Variants in ADCY10 observed in about 807,000 individuals in gnomAD.
The protein encoded by ADCY10 is adenylate cyclase type 10.
A neutral mutation model predicts 183.3 loss-of-function variants in ADCY10; 156 were observed. The observed-to-expected ratio is 0.85, with a 90% CI of 0.75 to 0.97. The LOEUF is 0.97. Among genes scored for constraint, ADCY10 ranks in the 50% least tolerant of loss-of-function variants. ADCY10 has a pLI of 0.00. For synonymous variants in ADCY10, 645 were observed against 670.0 expected (o/e 0.96, Z 0.58); for missense variants, 1,745 against 1,934.3 (o/e 0.90, Z 1.84).
rs1343261551 is a variant in ADCY10, at chr1:167,904,817, A to T, written c.148+176T>A. The T allele has an allele frequency of 3.9e-6, 3 of 775,486 alleles. No homozygotes were observed. The African/African-American group carries it at 5.2e-5, about 13-fold the overall frequency. The allele number at this position is 775,486 out of a possible 1,614,324, so 48.0% of individuals were successfully genotyped here. ...GCAGTCCTGAGTAAGGGAGGATGAGAGAGAGCCAGGGCCACAAGCTATTTC... is the reference window on the plus strand; with the variant it reads ...GCAGTCCTGAGTAAGGGAGGATGAGTGAGAGCCAGGGCCACAAGCTATTTC... On this transcript the variant is annotated intron_variant, in intron 2 of 32. Coordinates refer to ENST00000367851, the MANE Select transcript of ADCY10 (RefSeq NM_018417.6).
Position 167,906,365 on chromosome 1 carries a change from TA to T in ADCY10, c.-58-1168del, listed in dbSNP as rs1182903045. Among the ~76,000 whole-genome samples the T allele has an allele frequency of 5.7e-3, 808 of 142,232 alleles. 5 individuals carry two copies. The highest frequency in any genetic ancestry group is 8.5e-3 in the Non-Finnish European group (546 of 64,590). 93.3% of individuals were successfully genotyped at this position (142,232 alleles called of 152,430 possible). A position where few individuals can be genotyped will look rare whatever the true frequency, so the allele number is the denominator to read the frequency against. On this transcript the variant is annotated intron_variant, in intron 1 of 32. Coordinates refer to ENST00000367851, the MANE Select transcript of ADCY10 (RefSeq NM_018417.6). ...AAGAAAGAAACATATAACTAAGGTT[TA>T]AAAAAAAAAAGGGTAGCATTAAAAA... is the stretch of plus-strand genomic sequence containing the variant.
At chr1:167,823,424 CAAAAAAA>C (rs34394385) in intron 28 of ADCY10, among the ~76,000 whole-genome samples, 1 of 42,832 alleles carries the variant, frequency 2.3e-5, no homozygotes, top group Non-Finnish European at 4.7e-5. Flanking sequence ...AACTCCATCT[CAAAAAAA>C]AAAAAAAAAA....
In ADCY10 at chr1:167,824,493, A is replaced by G. The variant is rs1217601943; in HGVS notation, c.4035T>C (p.Cys1345=). 1 of 1,613,906 alleles carries G rather than the reference A, an allele frequency of 6.2e-7. No individual in the cohort carries two copies. The highest frequency in any genetic ancestry group is 1.7e-5 in the Admixed American group (1 of 60,008). The change falls in exon 28 of 33, where the codon TGT becomes TGC. Residue 1345 remains cysteine, a synonymous_variant. Transcript: ENST00000367851. Reference sequence around the variant, plus strand: ...ATAAATACCTGCTGTTCAGAAGGAGACATCTGCTAAGTCTGCAGAGGGACT... The same window carrying G: ...ATAAATACCTGCTGTTCAGAAGGAGGCATCTGCTAAGTCTGCAGAGGGACT... ...HYQSLCRLSR[C]LLLNSRYPQL...
At chr1:167,828,362 A>G (rs377655773) in intron 26 of ADCY10, among the ~76,000 whole-genome samples, 3 of 152,182 alleles carry the variant, frequency 2.0e-5, no homozygotes, top group Non-Finnish European at 4.4e-5. Context: ...TGTACTTTCC[A>G]TATTTGTTAT....
intron 18 of ADCY10, among the ~76,000 whole-genome samples, chr1:167,850,307 G>A (rs1665368886): frequency 6.6e-6 from 1 of 152,116 alleles, no homozygotes; most frequent in Non-Finnish European, 1.5e-5. Context: ...AGAAGGAGGG[G>A]TGGTTGAGCG....
At chr1:167,851,828 AAGAAATTTAACATT>A (rs897956160) in intron 18 of ADCY10, among the ~76,000 whole-genome samples, 1 of 152,158 alleles carries the variant, frequency 6.6e-6, no homozygotes, top group African/African-American at 2.4e-5. Flanking sequence ...AAAAAAAAAA[AAGAAATTTAACATT>A]GATACAATAC....
chr1:167,905,116 G>A lies in ADCY10; in HGVS notation c.25C>T (p.Gln9Ter), dbSNP rs756113400. Reference protein sequence around the residue: MNTPKEEFQDWPIVRIAAH... With the variant: MNTPKEEF Reference sequence around the variant, plus strand: ...GCTATTCTGACTATGGGCCAGTCCTGGAATTCTTCTTTTGGAGTGTTCATG... The same window carrying A: ...GCTATTCTGACTATGGGCCAGTCCTAGAATTCTTCTTTTGGAGTGTTCATG... Residue 9 changes from glutamine (Q) to a stop codon, truncating the protein, a stop_gained, in exon 2 of 33, where the codon CAG becomes TAG. Coordinates refer to ENST00000367851, the MANE Select transcript of ADCY10 (RefSeq NM_018417.6). LOFTEE classifies it high-confidence loss of function. The A allele has an allele frequency of 1.2e-5, 20 of 1,614,008 alleles. No individual in the cohort carries two copies. Among genetic ancestry groups the A allele is most frequent in the East Asian group, 4.5e-5 (2 of 44,894 alleles).
intron 6 of ADCY10, among the ~76,000 whole-genome samples, chr1:167,898,806 C>T (rs143792453): frequency 9.7e-4 from 148 of 152,228 alleles, no homozygotes; most frequent in Admixed American, 1.7e-3. Flanking sequence ...CTTTCTGCCG[C>T]GTAGTCCCAT....
At chr1:167,879,396 T>G (rs11807288) in intron 11 of ADCY10, among the ~76,000 whole-genome samples, 10,805 of 152,254 alleles carry the variant, frequency 0.071, 544 homozygotes, top group East Asian at 0.22. Context: ...TAACATAAAC[T>G]TGAATACTTC....
chr1:167,867,322 C>T (rs966416238), intron 14 of ADCY10, among the ~76,000 whole-genome samples: 14 of 152,272 alleles, frequency 9.2e-5, no homozygotes, highest in Non-Finnish European at 1.6e-4. Flanking sequence ...GGTCCACGCA[C>T]GGCCGAAGCA....
At chr1:167,901,518 TTC>T in intron 5 of ADCY10, 142 bp downstream of exon 5, 1 of 873,434 alleles carries the variant, frequency 1.1e-6, no homozygotes, top group Non-Finnish European at 1.9e-6. Context: ...AAAATTCACA[TTC>T]TGATTGTCCT....
chr1:167,820,065 C>A lies in ADCY10; in HGVS notation c.4287-1798G>T. ...ACGTTTCAAAGCCTCTTTCGTTACT[C>A]ATCCTTGAGATAAAATTTGGCTATG... On this transcript the variant is annotated intron_variant, in intron 30 of 32. Transcript: ENST00000367851. The A allele has an allele frequency of 2.5e-6, 4 of 1,573,876 alleles. No individual in the cohort carries two copies. In the South Asian group the frequency reaches 4.5e-5, roughly 18 times the overall value.
intron 14 of ADCY10, among the ~76,000 whole-genome samples, chr1:167,862,983 C>T (rs916150759): frequency 2.0e-5 from 3 of 152,082 alleles, no homozygotes; most frequent in African/African-American, 7.2e-5. Context: ...AATAAATAAA[C>T]AACATGAGAC....
chr1:167,827,563 CTTCA>C (rs1003493610), intron 26 of ADCY10, among the ~76,000 whole-genome samples: 2 of 151,976 alleles, frequency 1.3e-5, no homozygotes, highest in East Asian at 1.9e-4. Flanking sequence ...CTGATATCTT[CTTCA>C]TCCAGTCAAA....
chr1:167,856,848 T>C (rs1665943282), intron 16 of ADCY10, among the ~76,000 whole-genome samples: 1 of 152,216 alleles, frequency 6.6e-6, no homozygotes, highest in Non-Finnish European at 1.5e-5. Flanking sequence ...TCAACCAGCA[T>C]ATATTCAGCA....
At position 167,809,828 on chromosome 1, in the gene ADCY10, G is replaced by C. The variant is rs749981372; in HGVS notation, c.4683C>G (p.Tyr1561Ter). 6.2e-7 allele frequency: 1 copy of C among 1,614,050 alleles called. No homozygotes were observed. The highest frequency in any genetic ancestry group is 8.5e-7 in the Non-Finnish European group (1 of 1,179,956). The change falls in exon 33 of 33, where the codon TAC becomes TAG. Residue 1561 changes from tyrosine (Y) to a stop codon, truncating the protein, a stop_gained. Coordinates refer to ENST00000367851, the MANE Select transcript of ADCY10 (RefSeq NM_018417.6). LOFTEE classifies it low-confidence loss of function (END_TRUNC). ...GGTCTTCTTTTAACTCAGAGGTTGA[G>C]TACCATGATTCCTGAGAGGAAAGAA... ...CWLNMNKESW[Y>*]STSELKEDQW... is the part of the protein sequence containing the mutation.
intron 13 of ADCY10, among the ~76,000 whole-genome samples, chr1:167,873,532 A>G (rs1235588445): frequency 6.6e-6 from 1 of 152,190 alleles, no homozygotes; most frequent in African/African-American, 2.4e-5. Context: ...AGGAAATTAC[A>G]AGTGCTACTA....
chr1:167,902,334 C>T (rs1669490972), intron 3 of ADCY10, among the ~76,000 whole-genome samples: 1 of 152,158 alleles, frequency 6.6e-6, no homozygotes, highest in Admixed American at 6.5e-5. Context: ...GGTCTGAAGA[C>T]AGCTGCCCTC....
At chr1:167,900,831 C>T (rs1669367871) in intron 5 of ADCY10, among the ~76,000 whole-genome samples, 3 of 152,136 alleles carry the variant, frequency 2.0e-5, no homozygotes, top group African/African-American at 2.4e-5. Context: ...TGCACCTGGC[C>T]TTATTTGGAA....
Sources: gnomAD v4.1 joint callset for allele counts (sites outside exome capture counted in the v4.1 genomes callset) on GRCh38, gnomAD v4.1.1 for gene constraint, MANE v1.5 for transcripts, NCBI Gene and HGNC (gene_info 2026-07-23, HGNC 2026-07-21) for gene names.